Variants in FREM1 observed in about 807,000 individuals in gnomAD.
FREM1 encodes FRAS1 related extracellular matrix 1.
A neutral mutation model predicts 210.1 loss-of-function variants in FREM1; 220 were observed. The observed-to-expected ratio is 1.05, with a 90% CI of 0.94 to 1.17. FREM1 has a LOEUF of 1.17. Ranked by LOEUF, FREM1 falls within the 50% of genes most tolerant of loss-of-function variation. The probability of loss-of-function intolerance (pLI) is 0.00; values close to 1 mark genes in which losing one functional copy is unlikely to be tolerated. For missense variants in FREM1, 3,454 were observed against 2,675.5 expected, an observed-to-expected ratio of 1.29 and a Z score of -6.42; for synonymous variants, 1,189 against 980.2, an observed-to-expected ratio of 1.21 and a Z score of -3.98.
At position 14,769,797 on chromosome 9, in the gene FREM1, A is replaced by G. The variant is rs758153389; in HGVS notation, c.5131T>C (p.Ser1711Pro). The G allele has an allele frequency of 1.2e-6, 2 of 1,610,634 alleles. No individual in the cohort carries two copies. Among genetic ancestry groups the G allele is most frequent in the East Asian group, 2.2e-5 (1 of 44,778 alleles). Residue 1711 changes from serine to proline, a missense_variant, in exon 27 of 37, where the codon TCT becomes CCT. By Grantham distance (74) the Ser-to-Pro change is moderately conservative. Coordinates refer to ENST00000380880, the MANE Select transcript of FREM1 (RefSeq NM_001379081.2). ...ACGGTATCTGAATTTACTTCCAAAG[A>G]TGGGTTTATGATGTAAAGAATAGTC... is the stretch of plus-strand genomic sequence containing the variant. ...SKTILYIINP[S>P]LEVNSDTVEF...
intron 16 of FREM1, among the ~76,000 whole-genome samples, chr9:14,810,853 T>C (rs981943130): frequency 3.3e-5 from 5 of 152,230 alleles, no homozygotes; most frequent in African/African-American, 7.2e-5. Flanking sequence ...CTTTTAGATA[T>C]GTAATAAGGT....
intron 1 of FREM1, among the ~76,000 whole-genome samples, chr9:14,889,809 T>A (rs1045951660): frequency 6.6e-6 from 1 of 152,092 alleles, no homozygotes; most frequent in African/African-American, 2.4e-5. Flanking sequence ...AGGGAAAACA[T>A]AAAATTTATT....
chr9:14,851,604 C>G lies in FREM1; in HGVS notation c.832G>C (p.Glu278Gln). Residue 278 changes from glutamate to glutamine, a missense_variant, in exon 6 of 37, where the codon GAG becomes CAG. By Grantham distance (29) the Glu-to-Gln change is conservative. Coordinates refer to ENST00000380880, the MANE Select transcript of FREM1 (RefSeq NM_001379081.2). ...DTRSKIVYKS[E>Q]SAWLPVYIRA... is the part of the protein sequence containing the mutation. ...ATATAGACAGGCAGCCACGCACTCT[C>G]TGACTTTTGAAGGATAGAGAAAATA... 1 of 1,611,768 alleles carries G rather than the reference C, an allele frequency of 6.2e-7. No individual in the cohort carries two copies. The highest frequency in any genetic ancestry group is 8.5e-7 in the Non-Finnish European group (1 of 1,177,878).
chr9:14,779,710 C>G (rs1471426573), intron 24 of FREM1, among the ~76,000 whole-genome samples: 1 of 152,160 alleles, frequency 6.6e-6, no homozygotes, highest in African/African-American at 2.4e-5. Flanking sequence ...AGGCAGCCTG[C>G]CATCAGACAG....
At chr9:14,881,466 T>C (rs1481913462) in intron 1 of FREM1, among the ~76,000 whole-genome samples, 5 of 152,258 alleles carry the variant, frequency 3.3e-5, no homozygotes, top group Non-Finnish European at 7.3e-5. Context: ...AATTCAAATA[T>C]GTTTTGGTTT....
chr9:14,840,917 A>G (rs10961753), intron 10 of FREM1, among the ~76,000 whole-genome samples: 83,608 of 152,060 alleles, frequency 0.55, 25,424 homozygotes, highest in South Asian at 0.73. Context: ...ATCTTTAAAG[A>G]CAACAATAAA....
At chr9:14,899,031 A>G (rs1244933880) in intron 1 of FREM1, among the ~76,000 whole-genome samples, 3 of 152,234 alleles carry the variant, frequency 2.0e-5, no homozygotes, top group Non-Finnish European at 4.4e-5. Context: ...TTCAGGCTGA[A>G]TTGACTCTCC....
At chr9:14,794,872 C>A (rs960049669) in intron 21 of FREM1, among the ~76,000 whole-genome samples, 35 of 152,028 alleles carry the variant, frequency 2.3e-4, no homozygotes, top group African/African-American at 7.7e-4. Flanking sequence ...GTGGCAGGCG[C>A]CTGTAGTCCC....
chr9:14,823,006 G>C (rs780464215), intron 13 of FREM1, among the ~76,000 whole-genome samples, 154 bp downstream of exon 13: 6 of 151,970 alleles, frequency 3.9e-5, no homozygotes, highest in African/African-American at 7.3e-5. Flanking sequence ...CCTTCTCCCT[G>C]CTTTTTTCTT....
Position 14,740,198 on chromosome 9 carries a change from C to A in FREM1, c.6291G>T (p.Gln2097His), listed in dbSNP as rs1167101522. 1.2e-6 allele frequency: 2 copies of A among 1,613,198 alleles called. No homozygotes were observed. Among genetic ancestry groups the A allele is most frequent in the Admixed American group, 3.3e-5 (2 of 59,980 alleles). Residue 2097 changes from glutamine (Q) to histidine (H), a missense_variant, in exon 36 of 37, where the codon CAG (glutamine) becomes CAT (histidine). Transcript: ENST00000380880. Reference protein sequence around the residue: ...LGNLVTVFSRQHMRWLWDIGG... With the variant: ...LGNLVTVFSRHHMRWLWDIGG... ...CAATGTCCCAGAGCCACCGCATGTG[C>A]TGCCTGGAGAATACAGTTACAAGGT...
At chr9:14,854,539 T>C (rs996693883) in intron 5 of FREM1, among the ~76,000 whole-genome samples, 1 of 152,070 alleles carries the variant, frequency 6.6e-6, no homozygotes, top group African/African-American at 2.4e-5. Context: ...CAAAGATTCT[T>C]ACAAATAACA....
At chr9:14,802,507 A>G (rs1817478348) in intron 19 of FREM1, among the ~76,000 whole-genome samples, 1 of 152,062 alleles carries the variant, frequency 6.6e-6, no homozygotes, top group African/African-American at 2.4e-5. Flanking sequence ...AATTTCCTGA[A>G]CTACTCTTCC....
chr9:14,901,889 T>C (rs1009968166), intron 1 of FREM1, among the ~76,000 whole-genome samples: 2 of 152,198 alleles, frequency 1.3e-5, no homozygotes, highest in Admixed American at 6.5e-5. Flanking sequence ...TCTCACGCTG[T>C]AGCCCAGGCT....
intron 1 of FREM1, among the ~76,000 whole-genome samples, chr9:14,893,638 C>T (rs952494877): frequency 3.3e-5 from 5 of 151,594 alleles, no homozygotes; most frequent in African/African-American, 1.2e-4. Context: ...AAGTGTAATG[C>T]CTTTTAGTTT....
intron 2 of FREM1, among the ~76,000 whole-genome samples, chr9:14,866,066 A>G (rs1013346012): frequency 5.3e-5 from 8 of 152,210 alleles, no homozygotes; most frequent in African/African-American, 1.9e-4. Flanking sequence ...CTCTGGAAAT[A>G]CATACACTAA....
chr9:14,789,132 T>TAA lies in FREM1; in HGVS notation c.3982-19_3982-18insTT. 1 of 1,533,294 alleles carries TAA rather than the reference T, an allele frequency of 6.5e-7. No individual in the cohort carries two copies. 95.0% of individuals were successfully genotyped at this position (1,533,294 alleles called of 1,614,324 possible). A position where few individuals can be genotyped will look rare whatever the true frequency, so the allele number is the denominator to read the frequency against. On this transcript the variant is annotated intron_variant, in intron 22 of 36. Transcript: ENST00000380880. ...CTCCCTATCTGGAAGGAGCCAGAGT[T>TAA]AGTCAGCTGCTCATGGTTTTTTCTT... is the stretch of plus-strand genomic sequence containing the variant.
intron 35 of FREM1, among the ~76,000 whole-genome samples, chr9:14,742,847 G>T (rs1841808509): frequency 6.6e-6 from 1 of 152,026 alleles, no homozygotes; most frequent in Non-Finnish European, 1.5e-5. Flanking sequence ...AGACATACTT[G>T]TCAGTACACC....
intron 14 of FREM1, among the ~76,000 whole-genome samples, chr9:14,818,539 G>A (rs180953486): frequency 2.0e-5 from 3 of 152,278 alleles, no homozygotes; most frequent in Non-Finnish European, 2.9e-5. Flanking sequence ...GAGTGTGTGG[G>A]TCTACCCGAC....
intron 20 of FREM1, among the ~76,000 whole-genome samples, chr9:14,801,011 G>C (rs1588065016): frequency 6.6e-6 from 1 of 151,858 alleles, no homozygotes; most frequent in Non-Finnish European, 1.5e-5. Context: ...TTTGTTTTTT[G>C]ACAGAGTCTC....
Sources: gnomAD v4.1 joint callset for allele counts (sites outside exome capture counted in the v4.1 genomes callset) on GRCh38, gnomAD v4.1.1 for gene constraint, MANE v1.5 for transcripts, NCBI Gene and HGNC (gene_info 2026-07-23, HGNC 2026-07-21) for gene names.